The following RGS6 variants were observed in gnomAD, a reference collection of about 807,000 sequenced individuals.
The protein encoded by RGS6 is regulator of G-protein signaling 6.
A neutral mutation model predicts 78.5 loss-of-function variants in RGS6; 30 were observed. The ratio of observed to expected loss-of-function variants is 0.38; its 90% CI spans 0.29 to 0.52. The LOEUF (loss-of-function observed/expected upper bound fraction) is 0.52. RGS6 is among the 20% of genes least tolerant of loss of function. The probability of loss-of-function intolerance (pLI) is 0.85; values close to 1 mark genes in which losing one functional copy is unlikely to be tolerated. For synonymous variants in RGS6, 206 were observed against 206.0 expected (o/e 1.00, Z 0.00); for missense variants, 495 against 609.7 (o/e 0.81, Z 1.98).
intron 3 of RGS6, among the ~76,000 whole-genome samples, chr14:72,395,461 C>T (rs1039321144): frequency 2.0e-5 from 3 of 152,066 alleles, no homozygotes; most frequent in Non-Finnish European, 2.9e-5. Context: ...TACTTATATA[C>T]AGAAGTAAAT....
At chr14:72,388,970 A>AG (rs2089170939) in intron 3 of RGS6, among the ~76,000 whole-genome samples, 1 of 152,088 alleles carries the variant, frequency 6.6e-6, no homozygotes, top group African/African-American at 2.4e-5. Context: ...TAGTAGTAGT[A>AG]TTGTTACTGT....
chr14:72,629,839 AGGGTAGCATGACGTAGGGAAAAAAAT>A, the RGS6 span: 256 of 980,490 alleles, frequency 2.6e-4, 1 homozygote, highest in East Asian at 6.5e-3. Flanking sequence ...CAGGCAGGGC[AGGGTAGCATGACGTAGGGAAAAAAAT>A]GGGGACCCAA....
chr14:72,548,832 C>T (rs1358528966), intron 17 of RGS6, among the ~76,000 whole-genome samples: 1 of 152,142 alleles, frequency 6.6e-6, no homozygotes, highest in East Asian at 1.9e-4. Flanking sequence ...TAGGTAGATA[C>T]TAAAAATATT....
At chr14:72,022,614 A>G (rs1365110160) in intron 2 of RGS6, 3 of 152,198 alleles carry the variant, frequency 2.0e-5, no homozygotes, top group African/African-American at 7.2e-5. Context: ...ATTTGAACTC[A>G]GGTCCAATGG....
intron 3 of RGS6, among the ~76,000 whole-genome samples, chr14:72,365,812 T>A (rs1417833648): frequency 6.6e-6 from 1 of 152,198 alleles, no homozygotes; most frequent in Non-Finnish European, 1.5e-5. Flanking sequence ...CTAACCTGTT[T>A]TGGGTAAAGG....
intron 2 of RGS6, among the ~76,000 whole-genome samples, chr14:72,314,884 A>G (rs1352849470): frequency 6.6e-6 from 1 of 152,216 alleles, no homozygotes; most frequent in African/African-American, 2.4e-5. Context: ...TCCTCACATG[A>G]TAAATTCTGT....
At chr14:72,436,163 T>C (rs1441236385) in intron 3 of RGS6, among the ~76,000 whole-genome samples, 1 of 152,136 alleles carries the variant, frequency 6.6e-6, no homozygotes, top group African/African-American at 2.4e-5. Context: ...AGCACTAGGA[T>C]GGTAGAAGAG....
intron 13 of RGS6, 148 bp from the exon 14 acceptor site, chr14:72,510,006 G>T: frequency 1.1e-6 from 1 of 891,004 alleles, no homozygotes; most frequent in Non-Finnish European, 1.7e-6. Flanking sequence ...TTTGGAATTT[G>T]TGCAGCTTTT....
intron 8 of RGS6, among the ~76,000 whole-genome samples, chr14:72,472,172 GAAA>G (rs5809575): frequency 7.1e-6 from 1 of 141,556 alleles, no homozygotes; most frequent in Middle Eastern, 3.8e-3. Flanking sequence ...GCTTTTTTAA[GAAA>G]AAAAAAAAAA....
At chr14:72,105,739 A>C (rs534655305) in intron 2 of RGS6, among the ~76,000 whole-genome samples, 163 of 152,344 alleles carry the variant, frequency 1.1e-3, no homozygotes, top group African/African-American at 3.7e-3. Context: ...AGAAACGCTT[A>C]TTTAGTTGAT....
intron 12 of RGS6, among the ~76,000 whole-genome samples, chr14:72,481,069 C>T (rs866417130): frequency 6.6e-6 from 1 of 151,962 alleles, no homozygotes; most frequent in Non-Finnish European, 1.5e-5. Flanking sequence ...AACCGACCAT[C>T]GAGGTTTGAA....
chr14:72,038,349 C>G (rs1291471422), intron 2 of RGS6, among the ~76,000 whole-genome samples: 2 of 152,160 alleles, frequency 1.3e-5, no homozygotes, highest in Non-Finnish European at 2.9e-5. Flanking sequence ...CAACTCTGTT[C>G]TTTTTCAAAA....
At chr14:72,194,946 C>A (rs997281706) in intron 2 of RGS6, among the ~76,000 whole-genome samples, 40 of 152,118 alleles carry the variant, frequency 2.6e-4, no homozygotes, top group African/African-American at 8.9e-4. Context: ...GTGGCTCACA[C>A]CTGTCAATCC....
chr14:72,275,243 A>G (rs558664712), intron 2 of RGS6, among the ~76,000 whole-genome samples: 1 of 152,386 alleles, frequency 6.6e-6, no homozygotes, highest in Non-Finnish European at 1.5e-5. Flanking sequence ...TTGTGATTAA[A>G]TGACACAATA....
intron 17 of RGS6, chr14:72,541,248 T>C: frequency 6.9e-7 from 1 of 1,445,514 alleles, no homozygotes. Context: ...GGTATACGTA[T>C]TTCATCCTTT....
At chr14:72,580,858 G>A in the RGS6 span, among the ~76,000 whole-genome samples, 1 of 152,200 alleles carries the variant, frequency 6.6e-6, no homozygotes, top group African/African-American at 2.4e-5. Context: ...GCCAGGAAAA[G>A]CCCTGCCTTC....
At chr14:72,140,207 T>C (rs1001004255) in intron 2 of RGS6, among the ~76,000 whole-genome samples, 7 of 152,192 alleles carry the variant, frequency 4.6e-5, no homozygotes, top group African/African-American at 1.7e-4. Flanking sequence ...ACCCACTTCT[T>C]GAAAAACAAA....
At chr14:72,072,225 C>T (rs1291759224) in intron 2 of RGS6, among the ~76,000 whole-genome samples, 1 of 152,042 alleles carries the variant, frequency 6.6e-6, no homozygotes, top group East Asian at 1.9e-4. Flanking sequence ...CTCAATGGAC[C>T]TTCTCCTTCT....
intron 3 of RGS6, among the ~76,000 whole-genome samples, chr14:72,355,134 C>G (rs2079974404): frequency 6.6e-6 from 1 of 151,562 alleles, no homozygotes; most frequent in African/African-American, 2.4e-5. Context: ...AATAATTGTC[C>G]CTTTAATCCA....
Sources: allele counts gnomAD v4.1 joint callset (sites outside exome capture counted in the v4.1 genomes callset), GRCh38; gene constraint gnomAD v4.1.1; transcripts MANE v1.5; gene names NCBI Gene and HGNC (gene_info 2026-07-23, HGNC 2026-07-21).